The following CDH23 variants were observed in gnomAD, a reference collection of about 807,000 sequenced individuals.
CDH23 encodes cadherin related 23, also known as cadherin-23.
CDH23 carries 189 observed loss-of-function variants against 317.1 expected under a neutral mutation model. That is an observed-to-expected ratio of 0.60 (90% CI 0.53 to 0.67). The LOEUF is 0.67. Among genes scored for constraint, CDH23 ranks in the 30% least tolerant of loss-of-function variants. The pLI is 0.00. For synonymous variants in CDH23, 1,839 were observed against 1,876.8 expected (o/e 0.98, Z 0.52); for missense variants, 4,401 against 4,592.4 (o/e 0.96, Z 1.20).
intron 28 of CDH23, among the ~76,000 whole-genome samples, chr10:71,718,566 C>T (rs1270085515): frequency 3.9e-5 from 6 of 152,376 alleles, no homozygotes; most frequent in African/African-American, 1.4e-4. Flanking sequence ...GTGCCCACCG[C>T]TCATTCCCGT....
chr10:71,743,710 C>A (rs1165112522), intron 38 of CDH23, among the ~76,000 whole-genome samples: 1 of 152,164 alleles, frequency 6.6e-6, no homozygotes, highest in Admixed American at 6.5e-5. Flanking sequence ...ATGACCCCAC[C>A]CCACTGCACT....
chr10:71,646,978 G>A (rs1207374671), intron 14 of CDH23: 2 of 985,226 alleles, frequency 2.0e-6, no homozygotes, highest in Admixed American at 6.1e-5. Context: ...CTCTCCATGT[G>A]AGCACAGGCA....
chr10:71,779,964 C>T (rs1227811554), intron 41 of CDH23, among the ~76,000 whole-genome samples: 3 of 152,214 alleles, frequency 2.0e-5, no homozygotes, highest in Non-Finnish European at 4.4e-5. Context: ...GTGGGAATCC[C>T]AGATCCAAAG....
chr10:71,553,189 A>G (rs922995206), intron 6 of CDH23, among the ~76,000 whole-genome samples: 2 of 152,208 alleles, frequency 1.3e-5, no homozygotes, highest in African/African-American at 2.4e-5. Flanking sequence ...ACATTGGAAT[A>G]GGATCATTCG....
At chr10:71,550,574 A>AAG (rs1856528242) in intron 6 of CDH23, among the ~76,000 whole-genome samples, 2 of 113,440 alleles carry the variant, frequency 1.8e-5, no homozygotes, top group East Asian at 5.6e-4. Context: ...AAAAAAAAAA[A>AAG]AAAGAAAAAA....
At chr10:71,447,517 G>A (rs1850230729) in intron 3 of CDH23, among the ~76,000 whole-genome samples, 1 of 152,126 alleles carries the variant, frequency 6.6e-6, no homozygotes, top group Non-Finnish European at 1.5e-5. Context: ...TTGTTGTGGG[G>A]ATTGTCCCCA....
intron 9 of CDH23, among the ~76,000 whole-genome samples, chr10:71,588,175 T>G (rs1023104677): frequency 3.9e-5 from 6 of 152,172 alleles, no homozygotes; most frequent in African/African-American, 1.4e-4. Context: ...CAGCTCTGAT[T>G]CATGGCTTCC....
intron 3 of CDH23, among the ~76,000 whole-genome samples, chr10:71,479,433 G>A (rs1851959842): frequency 6.6e-6 from 1 of 152,154 alleles, no homozygotes; most frequent in South Asian, 2.1e-4. Context: ...GAGTGAGAGG[G>A]GAAGGGACTG....
chr10:71,432,875 GT>G (rs1849462884), intron 1 of CDH23, among the ~76,000 whole-genome samples: 1 of 152,146 alleles, frequency 6.6e-6, no homozygotes, highest in Non-Finnish European at 1.5e-5. Context: ...CCAGGGAGGG[GT>G]GTCAGCCAGA....
intron 35 of CDH23, among the ~76,000 whole-genome samples, chr10:71,739,423 C>T (rs1344080364): frequency 6.6e-6 from 1 of 152,218 alleles, no homozygotes. Flanking sequence ...ACTGATATCT[C>T]CTAGCCCCGG....
intron 9 of CDH23, among the ~76,000 whole-genome samples, chr10:71,612,066 A>G (rs1405542027): frequency 6.6e-6 from 1 of 152,210 alleles, no homozygotes; most frequent in African/African-American, 2.4e-5. Context: ...GGTGACAGTA[A>G]GAACATCTTA....
intron 3 of CDH23, among the ~76,000 whole-genome samples, chr10:71,498,943 G>A (rs184729499): frequency 1.3e-5 from 2 of 152,286 alleles, no homozygotes; most frequent in East Asian, 1.9e-4. Context: ...GATATCAAAG[G>A]GATAGCTGCC....
chr10:71,809,996 C>T lies in CDH23; in HGVS notation c.8899C>T (p.Arg2967Cys), dbSNP rs373602652. The change falls in exon 61 of 70, where the codon CGT becomes TGT. Residue 2967 changes from arginine (R) to cysteine (C), a missense_variant. Around this residue, in one of 3 missense-constraint regions of CDH23, gnomAD observed 1,144 missense variants for 1,138.2 expected, o/e 1.01. Transcript: ENST00000224721. ...VKIVINEIPD[R>C]VRGFEEEFIH... is the part of the protein sequence containing the mutation. ...GATCGTCATTAACGAGATCCCCGAC[C>T]GTGTGCGCGGCTTCGAGGAGGAGTT... The T allele has an allele frequency of 6.9e-5, 112 of 1,612,262 alleles. No individual in the cohort carries two copies. The highest frequency in any genetic ancestry group is 2.1e-4 in the South Asian group (19 of 91,086).
chr10:71,532,349 G>A (rs1855421186), intron 6 of CDH23, among the ~76,000 whole-genome samples: 1 of 152,256 alleles, frequency 6.6e-6, no homozygotes, highest in South Asian at 2.1e-4. Flanking sequence ...GAGAGCGCCT[G>A]CAACCGAGCA....
chr10:71,777,709 G>A lies in CDH23; in HGVS notation c.4875G>A (p.Val1625=), dbSNP rs149664909. ...SATTHVYVTI[V]DENDNAPMFQ... is the part of the protein sequence containing the mutation. ...CCACGCACGTGTACGTGACCATTGT[G>A]GATGAGAATGATAACGCGCCCATGT... The change falls in exon 39 of 70, where the codon GTG becomes GTA. Residue 1625 remains valine, a synonymous_variant. Transcript: ENST00000224721. The A allele has an allele frequency of 6.0e-4, 974 of 1,613,026 alleles. 6 individuals are homozygous for A. The African/African-American group carries it at 0.011, about 18-fold the overall frequency.
Position 71,682,222 on chromosome 10 carries a change from C to T in CDH23, c.1859-223C>T, listed in dbSNP as rs74145289. Among the ~76,000 whole-genome samples the T allele has an allele frequency of 0.025, 3,759 of 152,304 alleles. 161 individuals are homozygous for T. Among genetic ancestry groups the T allele is most frequent in the African/African-American group, 0.086 (3,560 of 41,554 alleles). ...TCTTCATCTGTAAAAGTGGGGCTTACATTACCACCAGCTATCACCTGGTGG... is the reference window on the plus strand; with the variant it reads ...TCTTCATCTGTAAAAGTGGGGCTTATATTACCACCAGCTATCACCTGGTGG... On this transcript the variant is annotated intron_variant, in intron 17 of 69. Coordinates refer to ENST00000224721, the MANE Select transcript of CDH23 (RefSeq NM_022124.6).
intron 32 of CDH23, chr10:71,732,736 C>T: frequency 8.7e-7 from 1 of 1,152,140 alleles, no homozygotes; most frequent in Non-Finnish European, 1.1e-6. Context: ...GGCTGGTATC[C>T]TTCTGTTTTT....
intron 1 of CDH23, among the ~76,000 whole-genome samples, chr10:71,417,040 T>G (rs1345553153): frequency 6.6e-6 from 1 of 151,746 alleles, no homozygotes; most frequent in Non-Finnish European, 1.5e-5. Context: ...TTTTTTTCTT[T>G]CTTTCTTTTT....
chr10:71,554,867 G>A (rs1417283977), intron 6 of CDH23, among the ~76,000 whole-genome samples: 1 of 152,210 alleles, frequency 6.6e-6, no homozygotes, highest in Non-Finnish European at 1.5e-5. Flanking sequence ...GGCATCAGAT[G>A]TTTATGTTGA....
Sources: gnomAD v4.1 joint callset for allele counts (sites outside exome capture counted in the v4.1 genomes callset) on GRCh38, gnomAD v4.1.1 for gene constraint, gnomAD v4.1.1 regional missense constraint, MANE v1.5 for transcripts, NCBI Gene and HGNC (gene_info 2026-07-23, HGNC 2026-07-21) for gene names.